Variants in PTK7 observed in about 807,000 individuals in gnomAD.
PTK7 encodes the protein inactive tyrosine-protein kinase 7.
In PTK7, 39 loss-of-function variants were observed where a neutral mutation model predicts 116.6. That is an observed-to-expected ratio of 0.33 (90% confidence interval 0.26 to 0.44). The LOEUF (loss-of-function observed/expected upper bound fraction) is 0.44, where lower values mean the gene tolerates loss of function less well. Ranked by LOEUF, PTK7 falls within the 20% of genes least tolerant of loss-of-function variation. The pLI, the probability that PTK7 is intolerant of heterozygous loss-of-function variation, is 1.00. For synonymous variants in PTK7, 546 were observed against 563.6 expected, an observed-to-expected ratio of 0.97 and a Z score of 0.44; for missense variants, 1,169 against 1,425.6, an observed-to-expected ratio of 0.82 and a Z score of 2.90.
intron 17 of PTK7, 90 bp from the exon 18 acceptor site, chr6:43,158,727 A>T: frequency 7.2e-7 from 1 of 1,384,000 alleles, no homozygotes; most frequent in Non-Finnish European, 9.9e-7. Context: ...GCACACCAAT[A>T]GTGTTGAAAC....
intron 7 of PTK7, among the ~76,000 whole-genome samples, chr6:43,135,074 A>T (rs1769946675): frequency 6.6e-6 from 1 of 152,198 alleles, no homozygotes; most frequent in South Asian, 2.1e-4. Context: ...GTATTTAACA[A>T]GTGCTCTGGG....
At chr6:43,110,389 TTTGTTG>T (rs999265042) in intron 1 of PTK7, among the ~76,000 whole-genome samples, 1 of 150,354 alleles carries the variant, frequency 6.7e-6, no homozygotes, top group African/African-American at 2.5e-5. Flanking sequence ...AGGTTTTTTT[TTTGTTG>T]TTGTTGTTGC....
At position 43,101,310 on chromosome 6, in the gene PTK7, T is replaced by C. The variant is rs552424838; in HGVS notation, c.79+24743T>C. Among the ~76,000 whole-genome samples, 324 of 151,870 alleles carry C rather than the reference T, an allele frequency of 2.1e-3. 2 individuals carry two copies. The highest frequency in any genetic ancestry group is 3.3e-3 in the South Asian group (16 of 4,798). ...GCTCACGCCTGTAATCCCAGCACTT[T>C]AGGAGGCAGAGGCGGGCGGATCACA... On this transcript the variant is annotated intron_variant, in intron 1 of 19. Transcript: ENST00000230419.
rs534888100 is a variant in PTK7, at chr6:43,129,859, G to A, written c.470+30G>A. The A allele has an allele frequency of 1.1e-4, 174 of 1,596,418 alleles. No homozygotes were observed. The highest frequency in any genetic ancestry group is 1.4e-4 in the Non-Finnish European group (165 of 1,164,542). ...GGAGTCAGGGAGGTGGGGATGAAGA[G>A]GGTTATTCCGGACAGGGATGTCTCC... On this transcript the variant is annotated intron_variant, in intron 3 of 19. Transcript: ENST00000230419. The surrounding 1 kb of genome is among the most constrained non-coding windows in gnomAD (Gnocchi z 4.5).
Position 43,076,713 on chromosome 6 carries a change from A to C in PTK7, c.79+146A>C. ...CGCTGGGGGTGCAGGCTTGCGGCGG[A>C]AGGGCGCAAGGAGCCCGGGTGTCGG... is the stretch of plus-strand genomic sequence containing the variant. On this transcript the variant is annotated intron_variant, in intron 1 of 19. Transcript: ENST00000230419. This position sits in a 1 kb window ranked among gnomAD's most constrained non-coding sequence, Gnocchi z 5.7. 1 of 1,371,524 alleles carries C rather than the reference A, an allele frequency of 7.3e-7. No individual in the cohort carries two copies. The highest frequency in any genetic ancestry group is 9.6e-7 in the Non-Finnish European group (1 of 1,045,942). 85.0% of individuals were successfully genotyped at this position (1,371,524 alleles called of 1,614,324 possible). A position where few individuals can be genotyped will look rare whatever the true frequency, so the allele number is the denominator to read the frequency against.
intron 1 of PTK7, among the ~76,000 whole-genome samples, chr6:43,118,102 C>CTTT (rs10591741): frequency 8.3e-4 from 102 of 123,128 alleles, no homozygotes; most frequent in African/African-American, 2.8e-3. Context: ...TCAGATGGGC[C>CTTT]TTTTTTTTTT....
At chr6:43,151,555 C>T (rs1771089598) in intron 17 of PTK7, among the ~76,000 whole-genome samples, 1 of 133,810 alleles carries the variant, frequency 7.5e-6, no homozygotes, top group Non-Finnish European at 1.6e-5. Flanking sequence ...TTTTCGGAGA[C>T]GGAGTCTCAC....
rs754033517 is a variant in PTK7, at chr6:43,129,372, C to G, written c.367+108C>G. 5 of 1,332,004 alleles carry G rather than the reference C, an allele frequency of 3.8e-6. No individual in the cohort carries two copies. The highest frequency in any genetic ancestry group is 5.2e-6 in the Non-Finnish European group (5 of 970,858). The allele number at this position is 1,332,004 out of a possible 1,614,324, so 82.5% of individuals were successfully genotyped here. ...TTCTCCCATTTCCAGTTAAACGGGC[C>G]AGGCAGAATGCATTTATCATCAGCT... On this transcript the variant is annotated intron_variant, in intron 2 of 19. Transcript: ENST00000230419. This position sits in a 1 kb window ranked among gnomAD's most constrained non-coding sequence, Gnocchi z 4.5.
chr6:43,080,089 A>G (rs1766290658), intron 1 of PTK7, among the ~76,000 whole-genome samples: 1 of 149,978 alleles, frequency 6.7e-6, no homozygotes, highest in Admixed American at 6.7e-5. Context: ...GCAGTGGCTC[A>G]CGCCTGTAAT....
chr6:43,089,935 A>G (rs750089154), intron 1 of PTK7, among the ~76,000 whole-genome samples: 8 of 152,194 alleles, frequency 5.3e-5, no homozygotes, highest in Non-Finnish European at 1.2e-4. Flanking sequence ...GTTACTGCCT[A>G]TGTAAGAGGC....
chr6:43,099,964 C>T (rs912104023), intron 1 of PTK7, among the ~76,000 whole-genome samples: 28 of 152,246 alleles, frequency 1.8e-4, no homozygotes, highest in African/African-American at 5.8e-4. Flanking sequence ...TCTCCTGCCT[C>T]AGCCTCCCAG....
chr6:43,132,030 G>T lies in PTK7; in HGVS notation c.827G>T (p.Arg276Leu), dbSNP rs56188167. The part of the protein sequence containing the change: ...ITNRSRPPHL[R>L]RATVFANGSL... ...CCCCTCTGCAGCCCCCCACACCTCC[G>T]CAGAGCCACAGTGTTTGCCAACGGG... The change falls in exon 6 of 20, where the codon CGC (arginine) becomes CTC (leucine). Residue 276 changes from arginine to leucine, a missense_variant. By Grantham distance (102) the Arg-to-Leu change is moderately radical (BLOSUM62 -2). Transcript: ENST00000230419. 7 of 1,613,784 alleles carry T rather than the reference G, an allele frequency of 4.3e-6. No homozygotes were observed. The highest frequency in any genetic ancestry group is 4.0e-5 in the African/African-American group (3 of 74,864).
chr6:43,133,577 CA>C (rs1344902514), intron 7 of PTK7: 1 of 152,114 alleles, frequency 6.6e-6, no homozygotes, highest in Non-Finnish European at 1.5e-5. Context: ...CATCTCAAAA[CA>C]AAACAAAACA....
In PTK7 at chr6:43,117,488, C is replaced by T. The variant is rs1383016216; in HGVS notation, c.80-11489C>T. ...ATGAGAAGCAGCCAGTGTGGCATCA[C>T]AGAAAGAAGGCAGACTTGGGAGCCA... On this transcript the variant is annotated intron_variant, in intron 1 of 19. Coordinates refer to ENST00000230419, the MANE Select transcript of PTK7 (RefSeq NM_002821.5). Among the ~76,000 whole-genome samples, 4 of 152,184 alleles carry T rather than the reference C, an allele frequency of 2.6e-5. No individual in the cohort carries two copies. The South Asian group carries it at 8.3e-4, about 31-fold the overall frequency.
At position 43,161,082 on chromosome 6, in the gene PTK7, C is replaced by A; in HGVS notation, c.*201C>A. 1 of 729,112 alleles carries A rather than the reference C, an allele frequency of 1.4e-6. No individual in the cohort carries two copies. Among genetic ancestry groups the A allele is most frequent in the Non-Finnish European group, 2.1e-6 (1 of 467,148 alleles). 45.2% of individuals were successfully genotyped at this position (729,112 alleles called of 1,614,324 possible). A position where few individuals can be genotyped will look rare whatever the true frequency, so the allele number is the denominator to read the frequency against. ...TTTGGGAGGCTGACTTGGACCCAAA[C>A]TGGGCGACTAGGGCTTTGAGCTGGG... is the stretch of plus-strand genomic sequence containing the variant. On this transcript the variant is annotated 3_prime_UTR_variant, in exon 20 of 20. Coordinates refer to ENST00000230419, the MANE Select transcript of PTK7 (RefSeq NM_002821.5).
intron 7 of PTK7, among the ~76,000 whole-genome samples, chr6:43,137,099 A>G (rs1168464210): frequency 6.6e-6 from 1 of 152,232 alleles, no homozygotes; most frequent in African/African-American, 2.4e-5. Flanking sequence ...GTTTATAACT[A>G]TCATTGCAAG....
intron 17 of PTK7, among the ~76,000 whole-genome samples, chr6:43,155,973 A>G (rs1213796292): frequency 6.6e-6 from 1 of 152,102 alleles, no homozygotes; most frequent in African/African-American, 2.4e-5. Flanking sequence ...TCACGCCTGT[A>G]ATCCCAGCAC....
intron 1 of PTK7, among the ~76,000 whole-genome samples, chr6:43,112,242 TTTTA>T (rs36184350): frequency 0.16 from 23,172 of 146,430 alleles, 2,755 homozygotes; most frequent in African/African-American, 0.32. Context: ...TGCTAGCCAG[TTTTA>T]TTTATTTATT....
chr6:43,129,679 G>A lies in PTK7; in HGVS notation c.368-48G>A, dbSNP rs771968063. 2.7e-5 allele frequency: 42 copies of A among 1,540,314 alleles called. No homozygotes were observed. The South Asian group carries it at 3.3e-4, about 12-fold the overall frequency. On this transcript the variant is annotated intron_variant, in intron 2 of 19. Transcript: ENST00000230419. The surrounding 1 kb of genome is among the most constrained non-coding windows in gnomAD (Gnocchi z 4.5). ...TGTCCTCCTTGCCCTCTGCCTTCCCGCCTTTGCCCTGCTCTGCCCCTCACT... is the reference window on the plus strand; with the variant it reads ...TGTCCTCCTTGCCCTCTGCCTTCCCACCTTTGCCCTGCTCTGCCCCTCACT...
Sources: gnomAD v4.1 joint callset for allele counts (sites outside exome capture counted in the v4.1 genomes callset) on GRCh38, gnomAD v4.1.1 for gene constraint, Gnocchi (gnomAD v3.1) non-coding constraint, MANE v1.5 for transcripts, NCBI Gene and HGNC (gene_info 2026-07-23, HGNC 2026-07-21) for gene names.